CCDC33: variants seen among roughly 807,000 people sequenced by gnomAD.
CCDC33 encodes coiled-coil domain-containing protein 33.
CCDC33 carries 94 observed loss-of-function variants against 91.9 expected under a neutral mutation model. The ratio of observed to expected loss-of-function variants is 1.02; its 90% CI spans 0.87 to 1.21. The LOEUF (loss-of-function observed/expected upper bound fraction) is 1.21, where lower values mean the gene tolerates loss of function less well. Ranked by LOEUF, CCDC33 falls within the 50% of genes most tolerant of loss-of-function variation. The pLI is 0.00. For missense variants in CCDC33, 940 were observed against 935.5 expected (o/e 1.00, Z -0.06); for synonymous variants, 396 against 374.5 (o/e 1.06, Z -0.66).
intron 12 of CCDC33, 152 bp downstream of exon 12, chr15:74,330,506 C>A: frequency 8.9e-7 from 1 of 1,127,942 alleles, no homozygotes; most frequent in Non-Finnish European, 1.3e-6. Flanking sequence ...CTCACACAGT[C>A]CCTGCCCAGC....
intron 11 of CCDC33, among the ~76,000 whole-genome samples, chr15:74,327,070 G>A (rs1397545774): frequency 1.3e-5 from 2 of 152,148 alleles, no homozygotes; most frequent in Non-Finnish European, 2.9e-5. Context: ...GATGTAGAGG[G>A]AAGAGAGCAT....
At chr15:74,247,793 G>A (rs2075584657) in intron 2 of CCDC33, among the ~76,000 whole-genome samples, 1 of 152,108 alleles carries the variant, frequency 6.6e-6, no homozygotes, top group Admixed American at 6.5e-5. Context: ...ATACTATATT[G>A]TGGCTGGGCA....
At chr15:74,222,410 C>G (rs57098343) in intron 2 of CCDC33, among the ~76,000 whole-genome samples, 1 of 16 alleles carries the variant, frequency 0.062, no homozygotes, top group Admixed American at 0.5. Flanking sequence ...GGGTGCACTG[C>G]TCCTCCCTCC....
intron 11 of CCDC33, chr15:74,304,194 A>G (rs2059848647): frequency 6.6e-6 from 1 of 152,110 alleles, no homozygotes; most frequent in East Asian, 1.9e-4. Context: ...CACCCTGTCC[A>G]CCTCTTGAGA....
At chr15:74,243,295 T>A (rs2142265808) in intron 1 of CCDC33, among the ~76,000 whole-genome samples, 1 of 152,306 alleles carries the variant, frequency 6.6e-6, no homozygotes, top group Non-Finnish European at 1.5e-5. Flanking sequence ...AGGAGGGACC[T>A]GAGGTGATGG....
intron 11 of CCDC33, among the ~76,000 whole-genome samples, chr15:74,314,536 G>T (rs1027732900): frequency 6.6e-6 from 1 of 152,128 alleles, no homozygotes; most frequent in Non-Finnish European, 1.5e-5. Context: ...GGGGTGGGGG[G>T]CACAGAGCAG....
chr15:74,244,130 C>T lies in CCDC33; in HGVS notation c.167C>T (p.Pro56Leu), dbSNP rs375633934. 1.7e-5 allele frequency: 28 copies of T among 1,612,756 alleles called. No individual in the cohort carries two copies. Among genetic ancestry groups the T allele is most frequent in the Non-Finnish European group, 2.3e-5 (27 of 1,179,288 alleles). Residue 56 changes from proline (P) to leucine (L), a missense_variant, in exon 2 of 19, where the codon CCG becomes CTG. Coordinates refer to ENST00000398814, the MANE Select transcript of CCDC33 (RefSeq NM_025055.5). The surrounding 1 kb of genome is among the most constrained non-coding windows in gnomAD (Gnocchi z 4.2). ...CCTGCCTGCAAGGATGGCTCCGAGCCGTGGCCCTATGTGGTGGTGTAAGTA... is the reference window on the plus strand; with the variant it reads ...CCTGCCTGCAAGGATGGCTCCGAGCTGTGGCCCTATGTGGTGGTGTAAGTA... ...NLPACKDGSE[P>L]WPYVVVKSTS...
intron 2 of CCDC33, among the ~76,000 whole-genome samples, chr15:74,258,366 C>T (rs2075928944): frequency 6.6e-6 from 1 of 152,224 alleles, no homozygotes; most frequent in African/African-American, 2.4e-5. Flanking sequence ...GGGATTGGCA[C>T]TCAAAACAAA....
chr15:74,248,557 C>CG (rs1595937970), intron 2 of CCDC33, among the ~76,000 whole-genome samples: 1 of 152,032 alleles, frequency 6.6e-6, no homozygotes, highest in African/African-American at 2.4e-5. Flanking sequence ...TTGCAGGGAT[C>CG]GGGGCAGGGG....
At chr15:74,234,783 A>G (rs2075094442), upstream of CCDC33, among the ~76,000 whole-genome samples, 1 of 152,264 alleles carries the variant, frequency 6.6e-6, no homozygotes, top group South Asian at 2.1e-4. Flanking sequence ...GCTGCAGGGC[A>G]GGGCAAGGAC....
chr15:74,286,399 C>T (rs573942764), intron 10 of CCDC33, among the ~76,000 whole-genome samples: 1 of 152,216 alleles, frequency 6.6e-6, no homozygotes, highest in East Asian at 1.9e-4. Flanking sequence ...GTCTACACTT[C>T]CCCAGGCAAA....
chr15:74,203,258 A>G, intron 1 of CCDC33: 1 of 968,112 alleles, frequency 1.0e-6, no homozygotes, highest in Non-Finnish European at 1.2e-6. Context: ...TCACCCCCAC[A>G]AGGCGGAAAT....
chr15:74,228,788 GGA>G (rs2074878789), intron 2 of CCDC33, among the ~76,000 whole-genome samples: 1 of 152,232 alleles, frequency 6.6e-6, no homozygotes, highest in South Asian at 2.1e-4. Flanking sequence ...CTCTCTTCCA[GGA>G]GACAGGCAGG....
At position 74,279,154 on chromosome 15, in the gene CCDC33, T is replaced by C. The variant is rs550578531; in HGVS notation, c.760-809T>C. 3.9e-5 allele frequency among the ~76,000 whole-genome samples: 6 copies of C among 152,352 alleles called. No individual in the cohort carries two copies. In the South Asian group the frequency reaches 1.2e-3, roughly 32 times the overall value. Reference sequence around the variant, plus strand: ...ACCCAGCAATTCCATTTTAGGTAGTTGTACTAAGGAAGTAATTTGCGACAT... The same window carrying C: ...ACCCAGCAATTCCATTTTAGGTAGTCGTACTAAGGAAGTAATTTGCGACAT... On this transcript the variant is annotated intron_variant, in intron 7 of 18. Transcript: ENST00000398814.
intron 2 of CCDC33, among the ~76,000 whole-genome samples, chr15:74,221,769 C>G (rs1431371727): frequency 6.6e-6 from 1 of 152,176 alleles, no homozygotes; most frequent in East Asian, 1.9e-4. Context: ...CTAACTATTT[C>G]CAGGTTCCTG....
chr15:74,271,818 G>C (rs1566987250), intron 6 of CCDC33, 24 bp downstream of exon 6: 1 of 1,595,684 alleles, frequency 6.3e-7, no homozygotes. Flanking sequence ...AGGTGGACCT[G>C]GGTGAGGAGG....
At chr15:74,246,747 T>C (rs1171089383) in intron 2 of CCDC33, among the ~76,000 whole-genome samples, 1 of 152,240 alleles carries the variant, frequency 6.6e-6, no homozygotes, top group Non-Finnish European at 1.5e-5. Flanking sequence ...GCAGCCATTA[T>C]GGAGCACAGC....
intron 1 of CCDC33, among the ~76,000 whole-genome samples, chr15:74,240,108 G>A (rs932451284): frequency 1.3e-5 from 2 of 152,246 alleles, no homozygotes; most frequent in Non-Finnish European, 2.9e-5. Context: ...AGCCTGCCCA[G>A]CGGGCACATG....
intron 10 of CCDC33, among the ~76,000 whole-genome samples, chr15:74,284,977 G>C (rs1374821606): frequency 6.6e-6 from 1 of 152,248 alleles, no homozygotes; most frequent in East Asian, 1.9e-4. Context: ...GCCACCACCT[G>C]ACACCTGGAG....
Sources: gnomAD v4.1 joint callset for allele counts (sites outside exome capture counted in the v4.1 genomes callset) on GRCh38, gnomAD v4.1.1 for gene constraint, Gnocchi (gnomAD v3.1) non-coding constraint, MANE v1.5 for transcripts, NCBI Gene and HGNC (gene_info 2026-07-23, HGNC 2026-07-21) for gene names.